EPB41: variants seen among roughly 807,000 people sequenced by gnomAD.
EPB41 encodes erythrocyte membrane protein band 4.1.
In EPB41, 65 loss-of-function variants were observed where a neutral mutation model predicts 108.0. The observed-to-expected ratio is 0.60, with a 90% CI of 0.49 to 0.74. The LOEUF is 0.74. Ranked by LOEUF, EPB41 falls within the 30% of genes least tolerant of loss-of-function variation. The pLI is 0.00. For missense variants in EPB41, 875 were observed against 1,037.0 expected (o/e 0.84, Z 2.15); for synonymous variants, 336 against 358.9 (o/e 0.94, Z 0.72).
At position 29,048,078 on chromosome 1, in the gene EPB41, G is replaced by A. The variant is rs575829918; in HGVS notation, c.1637-5026G>A. Among the ~76,000 whole-genome samples the A allele has an allele frequency of 5.3e-5, 8 of 152,036 alleles. No homozygotes were observed. The East Asian group carries it at 7.8e-4, about 15-fold the overall frequency. ...GGATTACGGGCGTGAGTGAGCCACC[G>A]AGCCTGGCTGACAATTTATAATTGT... On this transcript the variant is annotated intron_variant, in intron 11 of 20. Transcript: ENST00000343067.
At chr1:29,110,857 C>G (rs1668890860) in intron 18 of EPB41, among the ~76,000 whole-genome samples, 1 of 152,184 alleles carries the variant, frequency 6.6e-6, no homozygotes, top group African/African-American at 2.4e-5. Flanking sequence ...CATATTTGTT[C>G]ATAGCCTTCA....
At chr1:29,107,851 C>CAAAAA (rs58046908) in intron 17 of EPB41, among the ~76,000 whole-genome samples, 2 of 62,826 alleles carry the variant, frequency 3.2e-5, no homozygotes, top group Non-Finnish European at 2.9e-5. Context: ...AACTCCATCT[C>CAAAAA]AAAAAAAAAA....
intron 10 of EPB41, among the ~76,000 whole-genome samples, chr1:29,038,622 T>G (rs1036217152): frequency 1.3e-5 from 2 of 152,230 alleles, no homozygotes; most frequent in East Asian, 3.8e-4. Flanking sequence ...CAAAGATGAA[T>G]AAGCCATGGT....
chr1:28,935,518 ATCT>A (rs2093985098), intron 1 of EPB41, among the ~76,000 whole-genome samples: 1 of 135,362 alleles, frequency 7.4e-6, no homozygotes, highest in Non-Finnish European at 1.6e-5. Flanking sequence ...TGCTTAGTTG[ATCT>A]TCTTCCCTCT....
rs1197505743 is a variant in EPB41 at position 29,117,845 on chromosome 1, T to C, written c.*1033T>C. Reference sequence around the variant, plus strand: ...TGGCTCAGAGAAGGGTTTTTCTTTTTTGACCTTTCTTCTCTCAACAGGAAC... The same window carrying C: ...TGGCTCAGAGAAGGGTTTTTCTTTTCTGACCTTTCTTCTCTCAACAGGAAC... On this transcript the variant is annotated 3_prime_UTR_variant, in exon 21 of 21. Coordinates refer to ENST00000343067, the MANE Select transcript of EPB41 (RefSeq NM_001376013.1). 1.3e-5 allele frequency: 2 copies of C among 152,650 alleles called. No individual in the cohort carries two copies. Among genetic ancestry groups the C allele is most frequent in the Non-Finnish European group, 2.9e-5 (2 of 68,046 alleles). 9.5% of individuals were successfully genotyped at this position (152,650 alleles called of 1,614,324 possible).
chr1:29,051,712 C>T (rs1234671326), intron 11 of EPB41, among the ~76,000 whole-genome samples: 2 of 151,980 alleles, frequency 1.3e-5, no homozygotes, highest in Admixed American at 6.6e-5. Flanking sequence ...GCCTGGCCAA[C>T]ATGGTGAAAC....
Position 29,070,162 on chromosome 1 carries a change from A to G in EPB41, c.2184+5004A>G, listed in dbSNP as rs1650641614. 2.3e-5 allele frequency: 9 copies of G among 385,930 alleles called. No individual in the cohort carries two copies. The East Asian group carries it at 3.0e-4, about 13-fold the overall frequency. The allele number at this position is 385,930 out of a possible 1,614,324, so 23.9% of individuals were successfully genotyped here. On this transcript the variant is annotated intron_variant, in intron 16 of 20. Transcript: ENST00000343067. Reference sequence around the variant, plus strand: ...TTCCGTTCTAATGTTCACTCACTCAAAAAGGTATCTATTGAGCACCCTATT... The same window carrying G: ...TTCCGTTCTAATGTTCACTCACTCAGAAAGGTATCTATTGAGCACCCTATT...
rs199675904 is a variant in EPB41, at chr1:28,997,712, CAT to C, written c.786+395_786+396del. On this transcript the variant is annotated intron_variant, in intron 4 of 20. Transcript: ENST00000343067. The stretch of plus-strand genomic sequence containing the variant: ...TGTTATTAATATTATAATGACATAT[CAT>C]AATTAAATATAATTATGATATATAA... 1.8e-3 allele frequency among the ~76,000 whole-genome samples: 279 copies of C among 151,580 alleles called. 8 individuals carry two copies. The East Asian group carries it at 0.051, about 28-fold the overall frequency.
chr1:28,971,516 C>G (rs116723975), intron 1 of EPB41, among the ~76,000 whole-genome samples: 3,762 of 152,208 alleles, frequency 0.025, 151 homozygotes, highest in African/African-American at 0.086. Flanking sequence ...TTTTAACACA[C>G]TTGGCTATCT....
At chr1:28,915,733 T>TTTTTTTTTTTTTTTTTTTTTTTTTTGGA in intron 1 of EPB41, among the ~76,000 whole-genome samples, 1 of 19,614 alleles carries the variant, frequency 5.1e-5, no homozygotes, top group Non-Finnish European at 7.6e-5. Context: ...TTCAGATGCT[T>TTTTTTTTTTTTTTTTTTTTTTTTTTGGA]TTTTTTTTTT....
intron 1 of EPB41, among the ~76,000 whole-genome samples, chr1:28,892,797 C>CTTTTTTT (rs995428093): frequency 3.4e-5 from 3 of 87,218 alleles, no homozygotes; most frequent in South Asian, 4.1e-4. Flanking sequence ...TTCCCAGGTT[C>CTTTTTTT]TTTTTTTTTT....
At position 29,088,054 on chromosome 1, in the gene EPB41, T is replaced by C. The variant is rs1659850110; in HGVS notation, c.2185-9753T>C. On this transcript the variant is annotated intron_variant, in intron 16 of 20. Transcript: ENST00000343067. ...TCCTTTTTCTTTTTTTCTTTTTTTC[T>C]TTTTTTTTTGAGATGGAGCCTCCCT... 1.4e-5 allele frequency among the ~76,000 whole-genome samples: 2 copies of C among 144,832 alleles called. 1 individual carries two copies.
chr1:28,956,082 A>C (rs942145186), intron 1 of EPB41, among the ~76,000 whole-genome samples: 5 of 152,196 alleles, frequency 3.3e-5, no homozygotes, highest in African/African-American at 4.8e-5. Flanking sequence ...AAAGGGATGA[A>C]TCAATCTGCA....
At chr1:28,998,958 T>A (rs182389318) in intron 4 of EPB41, among the ~76,000 whole-genome samples, 1 of 152,378 alleles carries the variant, frequency 6.6e-6, no homozygotes. Flanking sequence ...TGAAAAAGTC[T>A]AGCCTTAATT....
At chr1:29,065,460 A>G (rs1647189916) in intron 16 of EPB41, 3 of 240,502 alleles carry the variant, frequency 1.2e-5, no homozygotes, top group Non-Finnish European at 2.4e-5. Context: ...AAGCCAGTAG[A>G]GGTTTATTTG....
At chr1:29,064,022 C>A (rs1381567579) in intron 15 of EPB41, among the ~76,000 whole-genome samples, 1 of 151,978 alleles carries the variant, frequency 6.6e-6, no homozygotes. Flanking sequence ...TTGCCTGTAC[C>A]TCAGGTTGCC....
chr1:29,039,185 T>G (rs1640584165), intron 10 of EPB41, 69 bp from the exon 11 acceptor site: 2 of 1,501,148 alleles, frequency 1.3e-6, no homozygotes, highest in African/African-American at 2.8e-5. Context: ...TGATTTTGTT[T>G]TTAATTTTAC....
chr1:29,063,285 T>C (rs1646844517), intron 15 of EPB41, among the ~76,000 whole-genome samples: 1 of 152,174 alleles, frequency 6.6e-6, no homozygotes, highest in South Asian at 2.1e-4. Context: ...GTTTCCCCCA[T>C]AGTGAAGTCC....
chr1:29,087,705 G>A (rs1291804717), intron 16 of EPB41, among the ~76,000 whole-genome samples: 1 of 152,168 alleles, frequency 6.6e-6, no homozygotes, highest in Non-Finnish European at 1.5e-5. Flanking sequence ...GGTCAAAAAA[G>A]GGGTAATTTA....
Sources: allele counts gnomAD v4.1 joint callset (sites outside exome capture counted in the v4.1 genomes callset), GRCh38; gene constraint gnomAD v4.1.1; transcripts MANE v1.5; gene names NCBI Gene and HGNC (gene_info 2026-07-23, HGNC 2026-07-21).